ARHGAP6: variants seen among roughly 807,000 people sequenced by gnomAD.
ARHGAP6 encodes the protein rho GTPase-activating protein 6.
ARHGAP6 carries 16 observed loss-of-function variants against 55.7 expected under a neutral mutation model. That is an observed-to-expected ratio of 0.29 (90% CI 0.19 to 0.44). The LOEUF (loss-of-function observed/expected upper bound fraction) is 0.44, where lower values mean the gene tolerates loss of function less well. Among genes scored for constraint, ARHGAP6 ranks in the 20% least tolerant of loss-of-function variants. The probability of loss-of-function intolerance (pLI) is 1.00; values close to 1 mark genes in which losing one functional copy is unlikely to be tolerated. For missense variants in ARHGAP6, 698 were observed against 808.9 expected, an observed-to-expected ratio of 0.86 and a Z score of 1.66; for synonymous variants, 382 against 360.9, an observed-to-expected ratio of 1.06 and a Z score of -0.66.
rs902814409 is a variant in ARHGAP6 at position 11,245,440 on chromosome X, A to G, written c.748+9108T>C. ...GATACTCAGGTATGGCTCTAGCCTT[A>G]GGTTCATCACCATGGCCCTATGGAA... On this transcript the variant is annotated intron_variant, in intron 2 of 12. Coordinates refer to ENST00000337414, the MANE Select transcript of ARHGAP6 (RefSeq NM_013427.3). Among the ~76,000 whole-genome samples, 5 of 111,642 alleles carry G rather than the reference A, an allele frequency of 4.5e-5. No homozygotes were observed. In the Admixed American group the frequency reaches 4.8e-4, roughly 11 times the overall value.
In ARHGAP6 at chrX:11,452,553, A is replaced by T. The variant is rs770339137; in HGVS notation, c.589-197846T>A. On this transcript the variant is annotated intron_variant, in intron 1 of 12. Coordinates refer to ENST00000337414, the MANE Select transcript of ARHGAP6 (RefSeq NM_013427.3). ...ACATTGAGTGGTTGCATTTCCTAAG[A>T]TCATACAAAAGTGAGAAATCTGGCT... Among the ~76,000 whole-genome samples the T allele has an allele frequency of 2.7e-5, 3 of 112,439 alleles. No homozygotes were observed. The South Asian group carries it at 1.1e-3, about 42-fold the overall frequency.
intron 1 of ARHGAP6, among the ~76,000 whole-genome samples, chrX:11,347,230 C>A (rs1413002521): frequency 8.9e-6 from 1 of 112,008 alleles, no homozygotes; most frequent in African/African-American, 3.2e-5. Context: ...TTCTTTCAGT[C>A]CTTACAAAAT....
intron 1 of ARHGAP6, among the ~76,000 whole-genome samples, chrX:11,621,360 G>C (rs938882227): frequency 9.0e-6 from 1 of 111,506 alleles, no homozygotes; most frequent in African/African-American, 3.3e-5. Context: ...TTCAAAACAA[G>C]CATGTTTAAA....
At chrX:11,326,959 A>T (rs1453652735) in intron 1 of ARHGAP6, among the ~76,000 whole-genome samples, 1 of 111,842 alleles carries the variant, frequency 8.9e-6, no homozygotes, top group Non-Finnish European at 1.9e-5. Flanking sequence ...TCATCCACTG[A>T]TTTCATGATA....
chrX:11,404,059 C>T, intron 1 of ARHGAP6, among the ~76,000 whole-genome samples: 1 of 111,944 alleles, frequency 8.9e-6, no homozygotes, highest in Non-Finnish European at 1.9e-5. Flanking sequence ...TATCCAAGTT[C>T]ACCAGTCTAT....
At chrX:11,189,800 A>C (rs2046431254) in intron 3 of ARHGAP6, among the ~76,000 whole-genome samples, 1 of 112,242 alleles carries the variant, frequency 8.9e-6, no homozygotes, top group African/African-American at 3.2e-5. Context: ...TCCTTTCTGA[A>C]TTTCTGTCGT....
At chrX:11,265,477 G>T (rs2047611121) in intron 1 of ARHGAP6, among the ~76,000 whole-genome samples, 1 of 111,617 alleles carries the variant, frequency 9.0e-6, no homozygotes, top group South Asian at 3.7e-4. Flanking sequence ...GCTTGAGTTT[G>T]CTCATTTCAA....
At chrX:11,456,639 C>T (rs2050196454) in intron 1 of ARHGAP6, among the ~76,000 whole-genome samples, 1 of 111,432 alleles carries the variant, frequency 9.0e-6, no homozygotes, top group Non-Finnish European at 1.9e-5. Context: ...CAGCAGAAGA[C>T]AACCCTTCTC....
chrX:11,183,978 T>A (rs915883403), intron 5 of ARHGAP6, among the ~76,000 whole-genome samples: 2 of 111,632 alleles, frequency 1.8e-5, no homozygotes, highest in African/African-American at 6.5e-5. Context: ...AGACAATCAG[T>A]TATGAGAGTG....
At chrX:11,298,001 A>G in intron 1 of ARHGAP6, 2 of 837,883 alleles carry the variant, frequency 2.4e-6, no homozygotes, top group Admixed American at 4.4e-5. Context: ...CTTGCCTCCT[A>G]GCATATAAGA....
chrX:11,253,766 G>A (rs776083475), intron 2 of ARHGAP6, among the ~76,000 whole-genome samples: 5 of 110,713 alleles, frequency 4.5e-5, no homozygotes, highest in Admixed American at 1.9e-4. Flanking sequence ...TTAGCTGGGC[G>A]TGGTGGTGTG....
At chrX:11,390,952 T>G (rs1183024703) in intron 1 of ARHGAP6, among the ~76,000 whole-genome samples, 2 of 111,933 alleles carry the variant, frequency 1.8e-5, no homozygotes, top group Non-Finnish European at 3.8e-5. Context: ...GACCCAGACA[T>G]CGCATTACTG....
intron 2 of ARHGAP6, among the ~76,000 whole-genome samples, chrX:11,248,768 T>A (rs1023370142): frequency 1.8e-5 from 2 of 111,558 alleles, no homozygotes; most frequent in Admixed American, 1.9e-4. Flanking sequence ...CAAAAAATAA[T>A]AGATGTTGGT....
chrX:11,457,234 A>G (rs1229124512), intron 1 of ARHGAP6, among the ~76,000 whole-genome samples: 3 of 111,946 alleles, frequency 2.7e-5, no homozygotes, highest in Admixed American at 9.5e-5. Context: ...TATATTATTC[A>G]CAACAATAGT....
At chrX:11,177,174 A>C (rs181066400) in intron 8 of ARHGAP6, among the ~76,000 whole-genome samples, 49 of 111,254 alleles carry the variant, frequency 4.4e-4, no homozygotes, top group African/African-American at 1.6e-3. Context: ...GGTCAGGGAG[A>C]GGTATAACTG....
intron 1 of ARHGAP6, among the ~76,000 whole-genome samples, chrX:11,381,297 C>CAATAA (rs1370861360): frequency 1.8e-5 from 2 of 112,392 alleles, no homozygotes; most frequent in Non-Finnish European, 3.8e-5. Flanking sequence ...GAGGCAATAA[C>CAATAA]AATAAAATAA....
intron 1 of ARHGAP6, among the ~76,000 whole-genome samples, chrX:11,483,106 C>T (rs1239770814): frequency 8.9e-6 from 1 of 111,888 alleles, no homozygotes; most frequent in Non-Finnish European, 1.9e-5. Flanking sequence ...CTGCCCTCAG[C>T]AGATATGAGG....
chrX:11,314,318 A>G (rs758857167), intron 1 of ARHGAP6, among the ~76,000 whole-genome samples: 103 of 111,955 alleles, frequency 9.2e-4, no homozygotes, highest in Non-Finnish European at 1.8e-3. Flanking sequence ...TGTGGGATGG[A>G]TGAAATGGAC....
At chrX:11,568,270 G>A (rs1306186987) in intron 1 of ARHGAP6, among the ~76,000 whole-genome samples, 1 of 112,353 alleles carries the variant, frequency 8.9e-6, no homozygotes, top group Non-Finnish European at 1.9e-5. Flanking sequence ...GTGGTCCCAA[G>A]TATGTTGGGA....
Sources: gnomAD v4.1 joint callset for allele counts (sites outside exome capture counted in the v4.1 genomes callset) on GRCh38, gnomAD v4.1.1 for gene constraint, MANE v1.5 for transcripts, NCBI Gene and HGNC (gene_info 2026-07-23, HGNC 2026-07-21) for gene names.